The following DNAH3 variants were observed in gnomAD, a reference collection of about 807,000 sequenced individuals.
DNAH3 encodes axonemal beta dynein heavy chain 3.
Under a neutral mutation model 432.5 loss-of-function variants are expected in DNAH3, and 332 were observed. The observed-to-expected ratio is 0.77, with a 90% CI of 0.70 to 0.84. The LOEUF (loss-of-function observed/expected upper bound fraction) is 0.84, where lower values mean the gene tolerates loss of function less well. Ranked by LOEUF, DNAH3 falls within the 40% of genes least tolerant of loss-of-function variation. The pLI, the probability that DNAH3 is intolerant of heterozygous loss-of-function variation, is 0.00. For synonymous variants in DNAH3, 1,956 were observed against 1,900.2 expected, an observed-to-expected ratio of 1.03 and a Z score of -0.76; for missense variants, 4,861 against 5,114.0, an observed-to-expected ratio of 0.95 and a Z score of 1.51.
At chr16:20,990,393 C>A (rs1008321770) in intron 44 of DNAH3, among the ~76,000 whole-genome samples, 2 of 151,914 alleles carry the variant, frequency 1.3e-5, no homozygotes, top group Non-Finnish European at 2.9e-5. Flanking sequence ...TATTGATATC[C>A]CAATAATAAC....
chr16:20,990,369 A>C (rs1391632395), intron 44 of DNAH3, among the ~76,000 whole-genome samples: 1 of 152,020 alleles, frequency 6.6e-6, no homozygotes, highest in East Asian at 1.9e-4. Flanking sequence ...ATTTATATAG[A>C]TATATACCAG....
chr16:21,037,918 T>C lies in DNAH3; in HGVS notation c.4793A>G (p.His1598Arg), dbSNP rs774912098. Reference sequence around the variant, plus strand: ...GACAGCGCGCATACCGTAGTCATAGTGATGCTGAGAGGACAGTTGTTCCGA... The same window carrying C: ...GACAGCGCGCATACCGTAGTCATAGCGATGCTGAGAGGACAGTTGTTCCGA... Residue 1598 changes from histidine (H) to arginine (R), a missense_variant, in exon 34 of 62, where the codon CAC becomes CGC. By Grantham distance (29) the His-to-Arg change is conservative. Coordinates refer to ENST00000261383, the Ensembl canonical transcript of DNAH3. 1.9e-6 allele frequency: 3 copies of C among 1,614,172 alleles called. No individual in the cohort carries two copies. Among genetic ancestry groups the C allele is most frequent in the Non-Finnish European group, 1.7e-6 (2 of 1,180,036 alleles).
At chr16:21,006,421 C>T (rs189787591) in intron 41 of DNAH3, among the ~76,000 whole-genome samples, 8 of 152,220 alleles carry the variant, frequency 5.3e-5, no homozygotes, top group Admixed American at 2.6e-4. Flanking sequence ...TTTTAGCATA[C>T]CAAAACCACA....
Position 20,988,117 on chromosome 16 carries a change from A to G in DNAH3, c.6602-52T>C, listed in dbSNP as rs76361354. The G allele has an allele frequency of 7.5e-3, 12,039 of 1,605,022 alleles. 79 individuals are homozygous for G. Among genetic ancestry groups the G allele is most frequent in the Non-Finnish European group, 9.2e-3 (10,809 of 1,176,846 alleles). On this transcript the variant is annotated intron_variant, in intron 44 of 61. Transcript: ENST00000261383. ...CATCCTGGAAAACACATATTCTCAC[A>G]CTGTCTGTGACCCTAGGATGCACAC...
chr16:21,063,524 ATTTTAT>A (rs1027416993), intron 24 of DNAH3, among the ~76,000 whole-genome samples: 17 of 143,068 alleles, frequency 1.2e-4, no homozygotes, highest in African/African-American at 2.3e-4. Context: ...ATTTTATTTT[ATTTTAT>A]TTTTATTTTT....
intron 33 of DNAH3, 71 bp from the exon 34 acceptor site, chr16:21,038,051 TC>T: frequency 9.4e-6 from 13 of 1,384,386 alleles, no homozygotes; most frequent in Non-Finnish European, 1.3e-5. Flanking sequence ...ATTCCCAATA[TC>T]CTTGTCCTTG....
chr16:21,146,227 T>G, intron 1 of DNAH3, 139 bp from the exon 3 acceptor site: 1 of 603,816 alleles, frequency 1.7e-6, no homozygotes, highest in Non-Finnish European at 3.0e-6. Flanking sequence ...CTCCTCTCAT[T>G]CCCATCCATT....
chr16:21,060,801 G>C (rs970127754), intron 25 of DNAH3, among the ~76,000 whole-genome samples: 3 of 149,942 alleles, frequency 2.0e-5, no homozygotes, highest in African/African-American at 7.3e-5. Context: ...TGGGATTACA[G>C]GTGTGAACCA....
chr16:21,018,499 T>C (rs1178491786), intron 41 of DNAH3, among the ~76,000 whole-genome samples: 1 of 152,196 alleles, frequency 6.6e-6, no homozygotes, highest in African/African-American at 2.4e-5. Context: ...ATCTTCCTTA[T>C]AAGAAATGAT....
exon 14 of DNAH3, chr16:21,111,707 T>C (rs758868499): frequency 4.3e-6 from 7 of 1,613,974 alleles, no homozygotes; most frequent in Non-Finnish European, 2.5e-6. Flanking sequence ...ACAGAGATCA[T>C]GATTTAGGGC....
intron 52 of DNAH3, 73 bp downstream of exon 52, chr16:20,969,719 A>T: frequency 3.3e-6 from 5 of 1,516,766 alleles, no homozygotes; most frequent in Non-Finnish European, 3.7e-6. Context: ...CGACTTGGGG[A>T]TGCAGTGGGT....
intron 36 of DNAH3, among the ~76,000 whole-genome samples, chr16:21,032,094 A>G (rs1472737038): frequency 2.0e-5 from 3 of 151,810 alleles, no homozygotes; most frequent in African/African-American, 7.3e-5. Flanking sequence ...CTCAAGCAGG[A>G]AGGGAGAGTG....
intron 54 of DNAH3, 115 bp downstream of exon 54, chr16:20,959,063 TG>T: frequency 9.3e-7 from 1 of 1,073,824 alleles, no homozygotes; most frequent in Non-Finnish European, 1.4e-6. Flanking sequence ...CCACCCTGCC[TG>T]GCCTAGACTG....
chr16:21,140,526 A>G lies in DNAH3; in HGVS notation c.696+10T>C. 1.2e-6 allele frequency: 2 copies of G among 1,611,696 alleles called. No individual in the cohort carries two copies. Among genetic ancestry groups the G allele is most frequent in the Non-Finnish European group, 8.5e-7 (1 of 1,178,182 alleles). On this transcript the variant is annotated intron_variant, in intron 5 of 61. Coordinates refer to ENST00000261383, the Ensembl canonical transcript of DNAH3. ...AGCAAACCGAGGGAAAGGGGGCAAC[A>G]GGAACGTACCTCCAGGTCCGATTCA...
At chr16:21,082,306 T>A (rs559280108) in intron 19 of DNAH3, among the ~76,000 whole-genome samples, 6 of 152,230 alleles carry the variant, frequency 3.9e-5, no homozygotes, top group Non-Finnish European at 8.8e-5. Context: ...TCCTCCTCCC[T>A]CGACCTCCTG....
chr16:20,941,647 G>A, intron 58 of DNAH3, 104 bp from the exon 59 acceptor site: 2 of 1,416,016 alleles, frequency 1.4e-6, no homozygotes, highest in Non-Finnish European at 1.9e-6. Flanking sequence ...AATGTATTCT[G>A]TGGGACTTTC....
intron 24 of DNAH3, among the ~76,000 whole-genome samples, chr16:21,066,670 G>A (rs938698422): frequency 5.9e-5 from 9 of 152,064 alleles, no homozygotes; most frequent in African/African-American, 2.2e-4. Context: ...TGACCAGCCT[G>A]GAACTAACCT....
intron 42 of DNAH3, 50 bp downstream of exon 42, chr16:21,003,054 T>G (rs760071100): frequency 8.3e-7 from 1 of 1,200,196 alleles, no homozygotes; most frequent in South Asian, 1.3e-5. Context: ...GAGAGAATAT[T>G]TGGATGATTC....
At chr16:21,051,779 C>A (rs762044559) in exon 29 of DNAH3, 1 of 1,614,006 alleles carries the variant, frequency 6.2e-7, no homozygotes, top group African/African-American at 1.3e-5. Flanking sequence ...ACATCCTTGG[C>A]CACCCAGTAG....
Sources: allele counts gnomAD v4.1 joint callset (sites outside exome capture counted in the v4.1 genomes callset), GRCh38; gene constraint gnomAD v4.1.1; transcripts MANE v1.5; gene names NCBI Gene and HGNC (gene_info 2026-07-23, HGNC 2026-07-21).